GRIN2B: variants seen among roughly 807,000 people sequenced by gnomAD.
GRIN2B encodes the protein glutamate ionotropic receptor NMDA type subunit 2B, also known as glutamate receptor ionotropic, NMDA 2B.
Under a neutral mutation model 114.5 loss-of-function variants are expected in GRIN2B, and 5 were observed. That is an observed-to-expected ratio of 0.04 (90% CI 0.02 to 0.09). GRIN2B has a LOEUF of 0.09. Ranked by LOEUF, GRIN2B falls within the 10% of genes least tolerant of loss-of-function variation. The pLI is 1.00. For synonymous variants in GRIN2B, 787 were observed against 745.1 expected, an observed-to-expected ratio of 1.06 and a Z score of -0.92; for missense variants, 1,108 against 1,943.5, an observed-to-expected ratio of 0.57 and a Z score of 8.08.
intron 10 of GRIN2B, among the ~76,000 whole-genome samples, chr12:13,601,520 T>G (rs1446014991): frequency 6.7e-6 from 1 of 148,730 alleles, no homozygotes; most frequent in Non-Finnish European, 1.5e-5. Flanking sequence ...TTGCAAAGAT[T>G]TTTTTTTTTT....
chr12:13,734,004 A>G (rs1030811650), intron 4 of GRIN2B, among the ~76,000 whole-genome samples: 2 of 152,176 alleles, frequency 1.3e-5, no homozygotes, highest in African/African-American at 4.8e-5. Flanking sequence ...TCTTGCCACT[A>G]TACCATACAG....
rs1000810460 is a variant in GRIN2B at position 13,546,143 on chromosome 12, C to T, written c.*16640G>A. The T allele has an allele frequency of 6.6e-6, 1 of 152,178 alleles. No individual in the cohort carries two copies. Among genetic ancestry groups the T allele is most frequent in the Non-Finnish European group, 1.5e-5 (1 of 68,034 alleles). The allele number at this position is 152,178 out of a possible 1,614,324, so 9.4% of individuals were successfully genotyped here. A position where few individuals can be genotyped will look rare whatever the true frequency, so the allele number is the denominator to read the frequency against. On this transcript the variant is annotated 3_prime_UTR_variant, in exon 14 of 14. Transcript: ENST00000609686. The stretch of plus-strand genomic sequence containing the variant: ...TATTGAAAAAAAAAGGTTCAGCTAA[C>T]TCCATTCCCCTGATATATTCAGTTC...
intron 5 of GRIN2B, among the ~76,000 whole-genome samples, chr12:13,653,548 T>A (rs1949837930): frequency 3.5e-5 from 5 of 144,664 alleles, no homozygotes; most frequent in East Asian, 2.0e-4. Flanking sequence ...GGAGGGGGAG[T>A]GAGAAAAAAA....
chr12:13,727,934 C>G (rs1032086417), intron 4 of GRIN2B, among the ~76,000 whole-genome samples: 3 of 152,178 alleles, frequency 2.0e-5, no homozygotes, highest in Non-Finnish European at 4.4e-5. Flanking sequence ...TTCTCCTGGG[C>G]ATGGATAGCA....
At chr12:13,750,668 CA>C (rs935655680) in intron 4 of GRIN2B, among the ~76,000 whole-genome samples, 8 of 152,158 alleles carry the variant, frequency 5.3e-5, no homozygotes, top group African/African-American at 1.9e-4. Context: ...ACTGAATCAA[CA>C]GTACATTTTT....
intron 4 of GRIN2B, among the ~76,000 whole-genome samples, chr12:13,742,109 C>T (rs1054767828): frequency 6.6e-6 from 1 of 152,142 alleles, no homozygotes; most frequent in Non-Finnish European, 1.5e-5. Context: ...AATTTAAGCT[C>T]TTATTGATGA....
chr12:13,882,417 A>C (rs1409295793), intron 2 of GRIN2B, among the ~76,000 whole-genome samples: 1 of 152,208 alleles, frequency 6.6e-6, no homozygotes, highest in East Asian at 1.9e-4. Flanking sequence ...CAAACAAATA[A>C]AAATTTTTTT....
intron 2 of GRIN2B, among the ~76,000 whole-genome samples, chr12:13,968,070 G>A (rs1867816633): frequency 6.6e-6 from 1 of 152,218 alleles, no homozygotes; most frequent in Admixed American, 6.5e-5. Context: ...AAAATACTGT[G>A]AAAGAGAACC....
At chr12:13,662,885 T>C (rs901281603) in intron 5 of GRIN2B, among the ~76,000 whole-genome samples, 60 of 152,056 alleles carry the variant, frequency 3.9e-4, no homozygotes, top group African/African-American at 1.4e-3. Flanking sequence ...GGCTGGAAAA[T>C]AAAATGAGAA....
rs150692150 is a variant in GRIN2B, at chr12:13,819,158, A to T, written c.411+46640T>A. Among the ~76,000 whole-genome samples the T allele has an allele frequency of 8.5e-3, 1,288 of 152,284 alleles. 19 individuals are homozygous for T. Among genetic ancestry groups the T allele is most frequent in the African/African-American group, 0.03 (1,260 of 41,542 alleles). On this transcript the variant is annotated intron_variant, in intron 3 of 13. Transcript: ENST00000609686. The stretch of plus-strand genomic sequence containing the variant: ...AGGAAATTGGAACACACAAGAAGAC[A>T]CCAGGACACAGCCATTTAGAAGAAA...
At chr12:13,747,542 GGT>G (rs544851623) in intron 4 of GRIN2B, among the ~76,000 whole-genome samples, 219 of 152,194 alleles carry the variant, frequency 1.4e-3, no homozygotes, top group Non-Finnish European at 2.8e-3. Context: ...TCTATATACA[GGT>G]GTGTGTCATT....
chr12:13,606,889 A>G (rs1949256590), intron 10 of GRIN2B, among the ~76,000 whole-genome samples: 1 of 152,018 alleles, frequency 6.6e-6, no homozygotes, highest in African/African-American at 2.4e-5. Flanking sequence ...AAAAGCTTCC[A>G]AATAAGAGAG....
intron 4 of GRIN2B, among the ~76,000 whole-genome samples, chr12:13,688,623 T>C (rs1055684472): frequency 2.0e-5 from 3 of 152,228 alleles, no homozygotes; most frequent in African/African-American, 7.2e-5. Flanking sequence ...GATCGTGCTC[T>C]GGAAGGAAGT....
In GRIN2B at chr12:13,547,530, G is replaced by A. The variant is rs1017318961; in HGVS notation, c.*15253C>T. The A allele has an allele frequency of 4.6e-5, 7 of 152,120 alleles. No individual in the cohort carries two copies. Among genetic ancestry groups the A allele is most frequent in the Non-Finnish European group, 8.8e-5 (6 of 68,014 alleles). The allele number at this position is 152,120 out of a possible 1,614,324, so 9.4% of individuals were successfully genotyped here. A position where few individuals can be genotyped will look rare whatever the true frequency, so the allele number is the denominator to read the frequency against. ...ATGATATTTAGCAATTAGAATGTTTGACTGGCAATGGCCAGGTAGATTTCA... is the reference window on the plus strand; with the variant it reads ...ATGATATTTAGCAATTAGAATGTTTAACTGGCAATGGCCAGGTAGATTTCA... On this transcript the variant is annotated 3_prime_UTR_variant, in exon 14 of 14. Transcript: ENST00000609686.
intron 4 of GRIN2B, among the ~76,000 whole-genome samples, chr12:13,701,119 C>T (rs1339038733): frequency 6.6e-6 from 1 of 152,122 alleles, no homozygotes; most frequent in East Asian, 1.9e-4. Context: ...TATAAAACGT[C>T]GGATCTCAAG....
intron 2 of GRIN2B, among the ~76,000 whole-genome samples, chr12:13,926,963 A>AG (rs969845123): frequency 6.6e-6 from 1 of 151,450 alleles, no homozygotes; most frequent in Non-Finnish European, 1.5e-5. Context: ...AAAAAAAGAA[A>AG]AAAAAAAAAA....
intron 2 of GRIN2B, among the ~76,000 whole-genome samples, chr12:13,969,145 T>G (rs911663873): frequency 1.3e-5 from 2 of 152,226 alleles, no homozygotes; most frequent in Non-Finnish European, 2.9e-5. Context: ...CTGAATTAAA[T>G]TAAGGTCCAG....
At chr12:13,710,933 C>A (rs1175372856) in intron 4 of GRIN2B, among the ~76,000 whole-genome samples, 2 of 151,804 alleles carry the variant, frequency 1.3e-5, no homozygotes, top group Non-Finnish European at 2.9e-5. Context: ...AATCCTAAGC[C>A]AAAAGAACAA....
intron 3 of GRIN2B, among the ~76,000 whole-genome samples, chr12:13,761,099 G>C (rs1863673250): frequency 6.6e-6 from 1 of 152,148 alleles, no homozygotes; most frequent in Non-Finnish European, 1.5e-5. Context: ...TTAAATGCCA[G>C]ACCCATTCTT....
Sources: gnomAD v4.1 joint callset for allele counts (sites outside exome capture counted in the v4.1 genomes callset) on GRCh38, gnomAD v4.1.1 for gene constraint, MANE v1.5 for transcripts, NCBI Gene and HGNC (gene_info 2026-07-23, HGNC 2026-07-21) for gene names.